Variants in AK8 observed in about 807,000 individuals in gnomAD.
AK8 encodes ATP-AMP transphosphorylase 8.
AK8 carries 44 observed loss-of-function variants against 54.6 expected under a neutral mutation model. The observed-to-expected ratio is 0.81, with a 90% CI of 0.63 to 1.04. AK8 has a LOEUF of 1.04. Ranked by LOEUF, AK8 falls within the 50% of genes least tolerant of loss-of-function variation. The pLI is 0.00. For missense variants in AK8, 555 were observed against 613.6 expected, an observed-to-expected ratio of 0.90 and a Z score of 1.01; for synonymous variants, 239 against 245.6, an observed-to-expected ratio of 0.97 and a Z score of 0.25.
intron 5 of AK8, among the ~76,000 whole-genome samples, chr9:132,842,068 G>A (rs978301821): frequency 3.9e-5 from 6 of 152,160 alleles, no homozygotes; most frequent in African/African-American, 1.2e-4. Context: ...GGAAGAAGTC[G>A]CTAAACAGAT....
intron 11 of AK8, among the ~76,000 whole-genome samples, chr9:132,784,287 A>AG: frequency 1.3e-5 from 1 of 79,394 alleles, no homozygotes; most frequent in East Asian, 5.9e-4. Flanking sequence ...TGGGAGGTTG[A>AG]GGGGGTGGAT....
intron 11 of AK8, among the ~76,000 whole-genome samples, chr9:132,767,384 A>C (rs1273888039): frequency 6.6e-6 from 1 of 152,226 alleles, no homozygotes; most frequent in Non-Finnish European, 1.5e-5. Context: ...TATCATGGAA[A>C]TGCAAATTAA....
intron 4 of AK8, among the ~76,000 whole-genome samples, chr9:132,858,565 G>C (rs1203972353): frequency 1.3e-5 from 2 of 152,182 alleles, no homozygotes; most frequent in Non-Finnish European, 2.9e-5. Context: ...GAGATGCCCT[G>C]ATCTGACCCC....
At chr9:132,814,378 G>A (rs181014148) in intron 10 of AK8, among the ~76,000 whole-genome samples, 3 of 148,432 alleles carry the variant, frequency 2.0e-5, no homozygotes, top group African/African-American at 5.0e-5. Flanking sequence ...AAAGCCAACC[G>A]TCTTGAGAAA....
rs117069038 is a variant in AK8, at chr9:132,822,416, A to C, written c.889+789T>G. ...ATATTTGTTTGTATTCCCTCTCTAT[A>C]TTCATATGGTATGCCTGTATAATTT... On this transcript the variant is annotated intron_variant, in intron 9 of 12. Coordinates refer to ENST00000298545, the MANE Select transcript of AK8 (RefSeq NM_152572.3). Among the ~76,000 whole-genome samples the C allele has an allele frequency of 5.1e-4, 76 of 148,942 alleles. No homozygotes were observed. The East Asian group carries it at 0.015, about 29-fold the overall frequency.
chr9:132,760,658 T>C (rs1445382057), intron 11 of AK8, among the ~76,000 whole-genome samples: 3 of 152,298 alleles, frequency 2.0e-5, no homozygotes, highest in Non-Finnish European at 4.4e-5. Flanking sequence ...TTATGCTTGA[T>C]TTTAAAGGGC....
rs557213347 is a variant in AK8 at position 132,754,121 on chromosome 9, G to A, written c.1122-26587C>T. Among the ~76,000 whole-genome samples the A allele has an allele frequency of 9.2e-5, 14 of 152,336 alleles. No individual in the cohort carries two copies. In the East Asian group the frequency reaches 2.7e-3, roughly 29 times the overall value. Reference sequence around the variant, plus strand: ...AGCAGAAACTCCAGGGGAAGAAGAAGAGGGCACATGGCCGCCTAGGATCTC... The same window carrying A: ...AGCAGAAACTCCAGGGGAAGAAGAAAAGGGCACATGGCCGCCTAGGATCTC... On this transcript the variant is annotated intron_variant, in intron 11 of 12. Transcript: ENST00000298545.
At chr9:132,820,535 C>T (rs1841539795) in intron 9 of AK8, among the ~76,000 whole-genome samples, 1 of 152,184 alleles carries the variant, frequency 6.6e-6, no homozygotes. Context: ...TATGCTTCTG[C>T]CACATCTCTC....
chr9:132,733,014 T>G (rs1355683091), intron 11 of AK8, among the ~76,000 whole-genome samples: 5 of 152,164 alleles, frequency 3.3e-5, no homozygotes, highest in Non-Finnish European at 5.9e-5. Flanking sequence ...TGCTGTTCGC[T>G]GAGCTTTGCT....
intron 11 of AK8, among the ~76,000 whole-genome samples, chr9:132,730,244 C>A (rs543796840): frequency 1.5e-4 from 23 of 152,148 alleles, no homozygotes; most frequent in Non-Finnish European, 2.4e-4. Flanking sequence ...TGCCAAGAGG[C>A]CGCGCTTTGG....
At chr9:132,783,575 T>TAAAAAA (rs778604551) in intron 11 of AK8, among the ~76,000 whole-genome samples, 1 of 123,942 alleles carries the variant, frequency 8.1e-6, no homozygotes, top group Non-Finnish European at 1.8e-5. Context: ...GCATAAAAGT[T>TAAAAAA]AAAAAAAAAA....
In AK8 at chr9:132,854,632, A is replaced by G. The variant is rs534791486; in HGVS notation, c.402+225T>C. On this transcript the variant is annotated intron_variant, in intron 5 of 12. Coordinates refer to ENST00000298545, the MANE Select transcript of AK8 (RefSeq NM_152572.3). ...TTCCTGTGACCCCTCTGGATGGGCC[A>G]GCTATTTCCTACGGGAACCCTGACC... Among the ~76,000 whole-genome samples, 30 of 152,348 alleles carry G rather than the reference A, an allele frequency of 2.0e-4. No homozygotes were observed. The East Asian group carries it at 5.6e-3, about 28-fold the overall frequency.
Position 132,828,742 on chromosome 9 carries a change from A to T in AK8, c.403-16T>A. The T allele has an allele frequency of 6.3e-7, 1 of 1,590,490 alleles. No homozygotes were observed. Among genetic ancestry groups the T allele is most frequent in the South Asian group, 1.1e-5 (1 of 89,322 alleles). ...GAATCCAGCCCTAGACAGAAGATTCAGAGAGGTGCTCATCTGTTTTGAGTT... is the reference window on the plus strand; with the variant it reads ...GAATCCAGCCCTAGACAGAAGATTCTGAGAGGTGCTCATCTGTTTTGAGTT... On this transcript the variant is annotated splice_polypyrimidine_tract_variant and intron_variant, in intron 5 of 12. Coordinates refer to ENST00000298545, the MANE Select transcript of AK8 (RefSeq NM_152572.3).
Position 132,756,338 on chromosome 9 carries a change from G to A in AK8, c.1122-28804C>T, listed in dbSNP as rs973326555. 3.9e-4 allele frequency among the ~76,000 whole-genome samples: 59 copies of A among 152,354 alleles called. 1 individual carries two copies. Among genetic ancestry groups the A allele is most frequent in the African/African-American group, 1.4e-3 (58 of 41,590 alleles). Reference sequence around the variant, plus strand: ...CATTCTGCCTTCTGCAGTGTCTGGGGAAAGCTGCTGTCGGGCCCAACTCTC... The same window carrying A: ...CATTCTGCCTTCTGCAGTGTCTGGGAAAAGCTGCTGTCGGGCCCAACTCTC... On this transcript the variant is annotated intron_variant, in intron 11 of 12. Coordinates refer to ENST00000298545, the MANE Select transcript of AK8 (RefSeq NM_152572.3).
chr9:132,806,315 A>C (rs769634278), intron 10 of AK8, among the ~76,000 whole-genome samples: 29 of 152,108 alleles, frequency 1.9e-4, no homozygotes, highest in Non-Finnish European at 4.3e-4. Context: ...AAGTTTCTTT[A>C]AAAAAATAAA....
chr9:132,767,070 G>A (rs937327477), intron 11 of AK8, among the ~76,000 whole-genome samples: 2 of 152,178 alleles, frequency 1.3e-5, no homozygotes, highest in African/African-American at 4.8e-5. Context: ...ATTGGTCTGG[G>A]CAAATATTTT....
At chr9:132,733,326 C>T (rs2130946812) in intron 11 of AK8, among the ~76,000 whole-genome samples, 1 of 152,300 alleles carries the variant, frequency 6.6e-6, no homozygotes, top group Admixed American at 6.5e-5. Context: ...CCCCTTGCAC[C>T]CCCGGTACTG....
Position 132,777,766 on chromosome 9 carries a change from C to T in AK8, c.1121+14868G>A, listed in dbSNP as rs116107495. Among the ~76,000 whole-genome samples, 364 of 152,236 alleles carry T rather than the reference C, an allele frequency of 2.4e-3. 5 individuals carry two copies. The highest frequency in any genetic ancestry group is 8.5e-3 in the African/African-American group (352 of 41,532). Reference sequence around the variant, plus strand: ...AGTTGTGAACTATCAGGAAGCTCTGCGAGCAAGGAAGGAAACTTGGGGTGC... The same window carrying T: ...AGTTGTGAACTATCAGGAAGCTCTGTGAGCAAGGAAGGAAACTTGGGGTGC... On this transcript the variant is annotated intron_variant, in intron 11 of 12. Coordinates refer to ENST00000298545, the MANE Select transcript of AK8 (RefSeq NM_152572.3).
intron 11 of AK8, among the ~76,000 whole-genome samples, chr9:132,780,932 C>T (rs921092072): frequency 1.4e-5 from 2 of 147,942 alleles, no homozygotes; most frequent in Admixed American, 1.3e-4. Flanking sequence ...GCTTGCCCTG[C>T]CCCCTCCCTC....
Sources: allele counts gnomAD v4.1 joint callset (sites outside exome capture counted in the v4.1 genomes callset), GRCh38; gene constraint gnomAD v4.1.1; transcripts MANE v1.5; gene names NCBI Gene and HGNC (gene_info 2026-07-23, HGNC 2026-07-21).